The following TAF15 variants were observed in gnomAD, a reference collection of about 807,000 sequenced individuals.
TAF15 encodes TATA-binding protein-associated factor 2N.
Under a neutral mutation model 102.5 loss-of-function variants are expected in TAF15, and 37 were observed. The observed-to-expected ratio is 0.36, with a 90% CI of 0.28 to 0.47. The LOEUF is 0.47. Ranked by LOEUF, TAF15 falls within the 20% of genes least tolerant of loss-of-function variation. The pLI, the probability that TAF15 is intolerant of heterozygous loss-of-function variation, is 0.99. For missense variants in TAF15, 652 were observed against 760.7 expected (o/e 0.86, Z 1.68); for synonymous variants, 273 against 259.2 (o/e 1.05, Z -0.51).
At chr17:35,829,648 A>G (rs1568263285) in intron 7 of TAF15, among the ~76,000 whole-genome samples, 1 of 148,004 alleles carries the variant, frequency 6.8e-6, no homozygotes, top group Non-Finnish European at 1.5e-5. Flanking sequence ...AAAAAAAAAA[A>G]AAAAAAAAGA....
chr17:35,815,853 T>C (rs2087189237), intron 1 of TAF15, among the ~76,000 whole-genome samples: 1 of 152,226 alleles, frequency 6.6e-6, no homozygotes, highest in Non-Finnish European at 1.5e-5. Flanking sequence ...CAACTCTAGC[T>C]ATCTTCTCAT....
At chr17:35,839,368 G>A (rs1377517187) in intron 11 of TAF15, among the ~76,000 whole-genome samples, 2 of 110,872 alleles carry the variant, frequency 1.8e-5, no homozygotes, top group East Asian at 5.5e-4. Context: ...AGAAGAAATA[G>A]ACTTTTTTTT....
At position 35,809,517 on chromosome 17, in the gene TAF15, C is replaced by G. The variant is rs1323851397; in HGVS notation, c.-53C>G. 1 of 1,612,002 alleles carries G rather than the reference C, an allele frequency of 6.2e-7. No individual in the cohort carries two copies. Among genetic ancestry groups the G allele is most frequent in the Non-Finnish European group, 8.5e-7 (1 of 1,179,560 alleles). On this transcript the variant is annotated 5_prime_UTR_variant, in exon 1 of 16. Transcript: ENST00000605844. ...TCCGGCCGCCGCGCCGCCTGGCTTT[C>G]GTATTCGTTGTTCTCGGCGGGCTGT...
intron 6 of TAF15, chr17:35,823,754 G>T: frequency 3.5e-6 from 1 of 289,748 alleles, no homozygotes; most frequent in Non-Finnish European, 6.6e-6. Flanking sequence ...TTTCATCTAA[G>T]TTACTAAGGT....
chr17:35,813,360 A>T (rs1172494657), intron 1 of TAF15, among the ~76,000 whole-genome samples: 1 of 151,860 alleles, frequency 6.6e-6, no homozygotes, highest in Non-Finnish European at 1.5e-5. Flanking sequence ...GATTTCAGGC[A>T]TGGTGGCTCA....
chr17:35,814,552 A>G (rs570662342), intron 1 of TAF15, among the ~76,000 whole-genome samples: 3 of 151,692 alleles, frequency 2.0e-5, no homozygotes, highest in African/African-American at 7.3e-5. Flanking sequence ...ATAGGCCTAT[A>G]CTTTTGTGTG....
At chr17:35,826,714 C>A (rs191296575) in intron 7 of TAF15, among the ~76,000 whole-genome samples, 2 of 149,188 alleles carry the variant, frequency 1.3e-5, no homozygotes, top group Admixed American at 1.3e-4. Flanking sequence ...TGTGCCAGCA[C>A]ACCCGGCTAA....
Position 35,838,553 on chromosome 17 carries a change from G to A in TAF15, c.913G>A (p.Gly305Arg). The change falls in exon 11 of 16, where the codon GGA (glycine) becomes AGA (arginine). Residue 305 changes from glycine (G) to arginine (R), a missense_variant and splice_region_variant. Gly to Arg is a moderately radical substitution (Grantham distance 125). Coordinates refer to ENST00000605844, the MANE Select transcript of TAF15 (RefSeq NM_139215.3). ...SAKAAIDWFDGKEFHGNIIKV... is the reference protein window; with the variant it reads ...SAKAAIDWFDRKEFHGNIIKV... ...TAAGGCAGCCATTGACTGGTTTGAT[G>A]GTATGCCTCATTCGTATAGTTTTCA... 6.2e-7 allele frequency: 1 copy of A among 1,614,070 alleles called. No homozygotes were observed. Among genetic ancestry groups the A allele is most frequent in the Non-Finnish European group, 8.5e-7 (1 of 1,180,028 alleles).
In TAF15 at chr17:35,820,403, C is replaced by G; in HGVS notation, c.256C>G (p.Gln86Glu). Residue 86 changes from glutamine (Q) to glutamate (E), a missense_variant, in exon 5 of 16, where the codon CAG becomes GAG. Transcript: ENST00000605844. Reference sequence around the variant, plus strand: ...ATATAGCCAGCAACCATATAATAACCAGGGACAGCAGCAAAACATGGAATC... The same window carrying G: ...ATATAGCCAGCAACCATATAATAACGAGGGACAGCAGCAAAACATGGAATC... The part of the protein sequence containing the change: ...SSYSQQPYNN[Q>E]GQQQNMESSG... 1 of 1,613,882 alleles carries G rather than the reference C, an allele frequency of 6.2e-7. No homozygotes were observed. Among genetic ancestry groups the G allele is most frequent in the Non-Finnish European group, 8.5e-7 (1 of 1,179,910 alleles).
At chr17:35,815,123 G>C (rs1006665596) in intron 1 of TAF15, among the ~76,000 whole-genome samples, 1 of 152,122 alleles carries the variant, frequency 6.6e-6, no homozygotes, top group South Asian at 2.1e-4. Flanking sequence ...CATGTGCCAA[G>C]GGGGAAAAGC....
In TAF15 at chr17:35,833,965, G is replaced by A. The variant is rs775122475; in HGVS notation, c.640+24G>A. ...TGGTAAGTGCTGAGTATCCCAAAAT[G>A]TTTCAGTGGAAATGCTATATAAATC... On this transcript the variant is annotated intron_variant, in intron 8 of 15. Coordinates refer to ENST00000605844, the MANE Select transcript of TAF15 (RefSeq NM_139215.3). 1.9e-6 allele frequency: 3 copies of A among 1,613,214 alleles called. No individual in the cohort carries two copies. The South Asian group carries it at 3.3e-5, about 18-fold the overall frequency.
At chr17:35,834,437 C>T (rs1355012444) in intron 8 of TAF15, 129 bp from the exon 9 acceptor site, 1 of 767,710 alleles carries the variant, frequency 1.3e-6, no homozygotes, top group Non-Finnish European at 2.2e-6. Context: ...CTTTGTAAAT[C>T]TGTGATGGTT....
rs2087438373 is a variant in TAF15, at chr17:35,833,943, T to C, written c.640+2T>C. 1 of 1,613,736 alleles carries C rather than the reference T, an allele frequency of 6.2e-7. No individual in the cohort carries two copies. ...GCGGTGGCTTCAAAAATTTTGGTGGTAAGTGCTGAGTATCCCAAAATGTTT... is the reference window on the plus strand; with the variant it reads ...GCGGTGGCTTCAAAAATTTTGGTGGCAAGTGCTGAGTATCCCAAAATGTTT... On this transcript the variant is annotated splice_donor_variant, in intron 8 of 15. Coordinates refer to ENST00000605844, the MANE Select transcript of TAF15 (RefSeq NM_139215.3). LOFTEE classifies it high-confidence loss of function.
intron 7 of TAF15, among the ~76,000 whole-genome samples, chr17:35,831,168 C>G (rs187180565): frequency 3.9e-5 from 6 of 151,956 alleles, no homozygotes; most frequent in Non-Finnish European, 7.4e-5. Flanking sequence ...TTTGGGAGGC[C>G]GAGACGGGCG....
intron 1 of TAF15, among the ~76,000 whole-genome samples, chr17:35,814,196 C>G (rs896780038): frequency 1.3e-5 from 2 of 151,550 alleles, no homozygotes; most frequent in Non-Finnish European, 2.9e-5. Context: ...GATGGAGTCT[C>G]GCTCTGTCGC....
At chr17:35,840,505 G>C (rs1324791494) in intron 11 of TAF15, among the ~76,000 whole-genome samples, 5 of 150,936 alleles carry the variant, frequency 3.3e-5, no homozygotes, top group African/African-American at 1.2e-4. Flanking sequence ...ACCCGCCTCA[G>C]CCTCCCAAAG....
At chr17:35,833,222 A>G (rs1051694961) in intron 7 of TAF15, among the ~76,000 whole-genome samples, 4 of 152,004 alleles carry the variant, frequency 2.6e-5, no homozygotes, top group Admixed American at 2.6e-4. Context: ...CACTACTGAT[A>G]GTGTACAGAG....
Position 35,844,519 on chromosome 17 carries a change from G to A in TAF15, c.1220G>A (p.Gly407Asp), listed in dbSNP as rs2087586172. ...RGYGGERGYR[G>D]RGGRGGDRGG... ...TACGGTGGAGAGAGGGGCTACAGAG[G>A]TCGTGGGGGCAGAGGTGGAGACCGA... The change falls in exon 15 of 16, where the codon GGT (glycine) becomes GAT (aspartate). Residue 407 changes from glycine (G) to aspartate (D), a missense_variant. By Grantham distance (94) the Gly-to-Asp change is moderately conservative. Around this residue, in one of 3 missense-constraint regions of TAF15, gnomAD observed 368 missense variants for 367.5 expected, o/e 1.00. Transcript: ENST00000605844. The A allele has an allele frequency of 6.2e-7, 1 of 1,611,926 alleles. No homozygotes were observed. The highest frequency in any genetic ancestry group is 8.5e-7 in the Non-Finnish European group (1 of 1,178,562).
chr17:35,834,365 A>G, intron 8 of TAF15: 1 of 588,662 alleles, frequency 1.7e-6, no homozygotes, highest in South Asian at 2.3e-5. Context: ...GACAAGTTAA[A>G]GGAAATGTTG....
Sources: gnomAD v4.1 joint callset for allele counts (sites outside exome capture counted in the v4.1 genomes callset) on GRCh38, gnomAD v4.1.1 for gene constraint, gnomAD v4.1.1 regional missense constraint, MANE v1.5 for transcripts, NCBI Gene and HGNC (gene_info 2026-07-23, HGNC 2026-07-21) for gene names.